The following ZFHX3 variants were observed in gnomAD, a reference collection of about 807,000 sequenced individuals.
The protein encoded by ZFHX3 is zinc finger homeobox 3.
A neutral mutation model predicts 279.1 loss-of-function variants in ZFHX3; 42 were observed. The observed-to-expected ratio is 0.15, with a 90% CI of 0.12 to 0.19. The LOEUF (loss-of-function observed/expected upper bound fraction) is 0.19. Among genes scored for constraint, ZFHX3 ranks in the 10% least tolerant of loss-of-function variants. The pLI, the probability that ZFHX3 is intolerant of heterozygous loss-of-function variation, is 1.00. For missense variants in ZFHX3, 4,981 were observed against 4,754.0 expected, an observed-to-expected ratio of 1.05 and a Z score of -1.40; for synonymous variants, 2,293 against 1,957.8, an observed-to-expected ratio of 1.17 and a Z score of -4.52.
chr16:73,577,213 AT>A (rs2051809547), intron 2 of ZFHX3, among the ~76,000 whole-genome samples: 2 of 152,218 alleles, frequency 1.3e-5, no homozygotes, highest in African/African-American at 4.8e-5. Flanking sequence ...ATAATACTTT[AT>A]ATTTTTTCCC....
intron 2 of ZFHX3, among the ~76,000 whole-genome samples, chr16:73,640,266 TTGG>T (rs1158011756): frequency 1.3e-5 from 2 of 152,106 alleles, no homozygotes; most frequent in Non-Finnish European, 2.9e-5. Context: ...GAATTATCAC[TTGG>T]TGGTCTCCAA....
intron 3 of ZFHX3, among the ~76,000 whole-genome samples, chr16:72,916,895 G>A (rs753980865): frequency 2.0e-5 from 3 of 152,122 alleles, no homozygotes; most frequent in Non-Finnish European, 4.4e-5. Flanking sequence ...GACTAAAAGG[G>A]GATGGAGTGA....
At chr16:73,049,389 T>G (rs1328234180), upstream of ZFHX3, among the ~76,000 whole-genome samples, 1 of 152,102 alleles carries the variant, frequency 6.6e-6, no homozygotes. Context: ...CGAAGAGCAG[T>G]ATGTATGGAA....
chr16:73,237,085 C>G (rs887970784), intron 5 of ZFHX3, among the ~76,000 whole-genome samples: 3 of 152,304 alleles, frequency 2.0e-5, no homozygotes, highest in South Asian at 2.1e-4. Flanking sequence ...GCTAACTTTA[C>G]AGATGAGGGT....
intron 1 of ZFHX3, among the ~76,000 whole-genome samples, chr16:72,979,174 G>A (rs970206150): frequency 1.3e-5 from 2 of 152,198 alleles, no homozygotes; most frequent in Non-Finnish European, 2.9e-5. Context: ...GATAGATTGT[G>A]ACTAATCCAC....
intron 1 of ZFHX3, among the ~76,000 whole-genome samples, chr16:73,769,415 G>T (rs1195179504): frequency 6.6e-6 from 1 of 152,146 alleles, no homozygotes; most frequent in Non-Finnish European, 1.5e-5. Flanking sequence ...TTTCATAATA[G>T]TGTTGTGTTA....
intron 8 of ZFHX3, chr16:73,092,850 A>G: frequency 2.0e-6 from 1 of 499,370 alleles, no homozygotes; most frequent in Non-Finnish European, 4.0e-6. Flanking sequence ...GCAGACCCGG[A>G]GTTTAATAGG....
At chr16:73,823,798 A>G (rs1960819504) in intron 1 of ZFHX3, among the ~76,000 whole-genome samples, 2 of 152,194 alleles carry the variant, frequency 1.3e-5, no homozygotes, top group South Asian at 4.1e-4. Context: ...GACAAGAGAA[A>G]AAGTATGCCA....
chr16:73,516,569 C>T (rs1327666179), intron 2 of ZFHX3, among the ~76,000 whole-genome samples: 1 of 152,164 alleles, frequency 6.6e-6, no homozygotes, highest in Non-Finnish European at 1.5e-5. Flanking sequence ...TCCAGCTCAG[C>T]CCCTTCTCTG....
At chr16:73,624,806 T>G (rs2052400461) in intron 2 of ZFHX3, among the ~76,000 whole-genome samples, 1 of 152,204 alleles carries the variant, frequency 6.6e-6, no homozygotes, top group African/African-American at 2.4e-5. Context: ...CCGCTTTCCC[T>G]GATTTCTTAC....
At chr16:73,413,736 T>C (rs561718223) in intron 3 of ZFHX3, among the ~76,000 whole-genome samples, 1 of 152,220 alleles carries the variant, frequency 6.6e-6, no homozygotes, top group Non-Finnish European at 1.5e-5. Context: ...AGTATTTGCA[T>C]ACCTAGGGGC....
At chr16:73,105,200 G>C (rs1966279829) in intron 7 of ZFHX3, among the ~76,000 whole-genome samples, 1 of 150,940 alleles carries the variant, frequency 6.6e-6, no homozygotes, top group Admixed American at 6.6e-5. Context: ...GAGGCCAAGA[G>C]CTCAAGACCA....
chr16:73,777,778 A>G (rs746394086), intron 1 of ZFHX3, among the ~76,000 whole-genome samples: 1 of 152,172 alleles, frequency 6.6e-6, no homozygotes, highest in South Asian at 2.1e-4. Context: ...TCCATTTTGC[A>G]TGTAAGGAAA....
At chr16:73,301,433 G>C (rs1490442979) in intron 4 of ZFHX3, among the ~76,000 whole-genome samples, 1 of 152,098 alleles carries the variant, frequency 6.6e-6, no homozygotes, top group African/African-American at 2.4e-5. Flanking sequence ...TTTACTGTAG[G>C]GGCTGTCTTG....
intron 2 of ZFHX3, among the ~76,000 whole-genome samples, chr16:73,515,259 C>G (rs1441495644): frequency 1.3e-5 from 2 of 152,166 alleles, no homozygotes; most frequent in Non-Finnish European, 2.9e-5. Flanking sequence ...TTGCCAATTA[C>G]CAATTCTGTG....
At chr16:72,947,122 G>A (rs548354278) in intron 3 of ZFHX3, among the ~76,000 whole-genome samples, 2 of 152,320 alleles carry the variant, frequency 1.3e-5, no homozygotes, top group South Asian at 2.1e-4. Context: ...AGATCCCAAG[G>A]ATTTCAATCA....
rs146830712 is a variant in ZFHX3, at chr16:73,854,776, G to C, written c.-1608+36875C>G. On this transcript the variant is annotated intron_variant, in intron 1 of 17. Transcript: ENST00000641206. ...AGATGAAACAATTTTTATATTTCTA[G>C]AAGGCAACCTAAGACCTTTGATTGT... Among the ~76,000 whole-genome samples, 187 of 125,956 alleles carry C rather than the reference G, an allele frequency of 1.5e-3. 2 individuals are homozygous for C. The highest frequency in any genetic ancestry group is 0.013 in the Admixed American group (162 of 12,040). The allele number at this position is 125,956 out of a possible 152,430, so 82.6% of individuals were successfully genotyped here. A position where few individuals can be genotyped will look rare whatever the true frequency, so the allele number is the denominator to read the frequency against.
intron 1 of ZFHX3, among the ~76,000 whole-genome samples, chr16:73,055,047 A>G (rs1295310707): frequency 1.3e-5 from 2 of 151,484 alleles, no homozygotes; most frequent in Non-Finnish European, 1.5e-5. Flanking sequence ...AGGGAGAGAA[A>G]AAAAAAAAAG....
At chr16:73,839,313 C>A (rs190495461) in intron 1 of ZFHX3, among the ~76,000 whole-genome samples, 147 of 67,908 alleles carry the variant, frequency 2.2e-3, no homozygotes, top group African/African-American at 7.9e-3. Context: ...AGCAACAGAG[C>A]AAGACTCCAT....
Sources: allele counts gnomAD v4.1 joint callset (sites outside exome capture counted in the v4.1 genomes callset), GRCh38; gene constraint gnomAD v4.1.1; transcripts MANE v1.5; gene names NCBI Gene and HGNC (gene_info 2026-07-23, HGNC 2026-07-21).